Variants in ROBO2 observed in about 807,000 individuals in gnomAD.
ROBO2 encodes roundabout homolog 2.
A neutral mutation model predicts 160.8 loss-of-function variants in ROBO2; 53 were observed. That is an observed-to-expected ratio of 0.33 (90% CI 0.26 to 0.41). The LOEUF (loss-of-function observed/expected upper bound fraction) is 0.41, where lower values mean the gene tolerates loss of function less well. Among genes scored for constraint, ROBO2 ranks in the 10% least tolerant of loss-of-function variants. The pLI is 1.00. For missense variants in ROBO2, 1,577 were observed against 1,722.4 expected (o/e 0.92, Z 1.49); for synonymous variants, 664 against 611.7 (o/e 1.09, Z -1.26).
At chr3:76,031,650 T>C (rs759945597) in intron 2 of ROBO2, among the ~76,000 whole-genome samples, 4 of 152,176 alleles carry the variant, frequency 2.6e-5, no homozygotes, top group Admixed American at 2.0e-4. Context: ...GTTCTGTTTA[T>C]GTGATGGATT....
intron 2 of ROBO2, among the ~76,000 whole-genome samples, chr3:77,248,550 C>T (rs373122401): frequency 2.3e-4 from 35 of 152,254 alleles, no homozygotes; most frequent in East Asian, 2.0e-3. Context: ...GAGGCTGTCG[C>T]GGGGCCCACA....
At chr3:77,549,366 ACTCT>A (rs1398456080) in intron 7 of ROBO2, among the ~76,000 whole-genome samples, 3 of 151,530 alleles carry the variant, frequency 2.0e-5, no homozygotes, top group Admixed American at 2.0e-4. Flanking sequence ...CAAAATTTAG[ACTCT>A]CTCTTTTAGC....
intron 2 of ROBO2, among the ~76,000 whole-genome samples, chr3:77,138,911 GA>G (rs1009472765): frequency 1.1e-4 from 16 of 149,442 alleles, no homozygotes; most frequent in South Asian, 6.4e-4. Context: ...GTGAGAAAAG[GA>G]AAAAAAAAAT....
At chr3:76,122,845 T>A (rs1213365096) in intron 2 of ROBO2, among the ~76,000 whole-genome samples, 1 of 152,156 alleles carries the variant, frequency 6.6e-6, no homozygotes, top group Non-Finnish European at 1.5e-5. Flanking sequence ...TGTCTGATGT[T>A]TTGTGATCTA....
chr3:77,104,934 C>A, intron 2 of ROBO2, among the ~76,000 whole-genome samples: 1 of 152,108 alleles, frequency 6.6e-6, no homozygotes, highest in East Asian at 1.9e-4. Flanking sequence ...TCAGTTTGGT[C>A]CCAATTAAGT....
chr3:77,309,302 C>T (rs1325946645), intron 2 of ROBO2, among the ~76,000 whole-genome samples: 2 of 152,094 alleles, frequency 1.3e-5, no homozygotes, highest in Non-Finnish European at 2.9e-5. Flanking sequence ...GCTTAATTAT[C>T]CATCTCAAAA....
intron 2 of ROBO2, among the ~76,000 whole-genome samples, chr3:76,669,933 C>T (rs1344092892): frequency 6.6e-6 from 1 of 152,088 alleles, no homozygotes; most frequent in Non-Finnish European, 1.5e-5. Flanking sequence ...TCTTATACTA[C>T]CCAATATGTA....
At chr3:75,973,099 T>A (rs1302824368) in intron 2 of ROBO2, among the ~76,000 whole-genome samples, 1 of 151,686 alleles carries the variant, frequency 6.6e-6, no homozygotes, top group Admixed American at 6.6e-5. Context: ...GACCAGGCAA[T>A]CAATTACTAA....
At chr3:76,998,837 A>G (rs1193023526) in intron 2 of ROBO2, among the ~76,000 whole-genome samples, 2 of 152,176 alleles carry the variant, frequency 1.3e-5, no homozygotes, top group Non-Finnish European at 2.9e-5. Flanking sequence ...CTTGCCAAGT[A>G]TATTGAGGGT....
intron 2 of ROBO2, among the ~76,000 whole-genome samples, chr3:76,487,257 G>A (rs892738436): frequency 6.6e-6 from 1 of 151,804 alleles, no homozygotes; most frequent in Admixed American, 6.6e-5. Context: ...AGGGATTACA[G>A]GAGTGAGCCA....
intron 2 of ROBO2, among the ~76,000 whole-genome samples, chr3:76,397,244 A>G (rs186161185): frequency 3.9e-5 from 6 of 152,192 alleles, no homozygotes; most frequent in Non-Finnish European, 8.8e-5. Flanking sequence ...TATTTAATAA[A>G]TGGTGCTGGG....
chr3:77,607,391 T>C (rs2094545744), intron 20 of ROBO2, among the ~76,000 whole-genome samples: 1 of 152,228 alleles, frequency 6.6e-6, no homozygotes, highest in Admixed American at 6.5e-5. Flanking sequence ...AAGTTTAGCC[T>C]ATATCCTTAG....
intron 2 of ROBO2, among the ~76,000 whole-genome samples, chr3:76,070,196 C>T (rs2068399591): frequency 6.6e-6 from 1 of 152,204 alleles, no homozygotes; most frequent in Non-Finnish European, 1.5e-5. Context: ...ACTCTGACCG[C>T]TGGTGAGCCG....
chr3:77,285,754 C>T (rs1481821810), intron 2 of ROBO2, among the ~76,000 whole-genome samples: 1 of 151,922 alleles, frequency 6.6e-6, no homozygotes, highest in Non-Finnish European at 1.5e-5. Flanking sequence ...TATGCACATG[C>T]TCATGAAGAC....
chr3:76,350,330 C>T (rs955819261), intron 2 of ROBO2, among the ~76,000 whole-genome samples: 2 of 151,986 alleles, frequency 1.3e-5, no homozygotes, highest in African/African-American at 4.8e-5. Flanking sequence ...GATATGTCTC[C>T]ACTTGCTTTT....
At chr3:76,841,019 C>T (rs1174875155) in intron 2 of ROBO2, among the ~76,000 whole-genome samples, 1 of 152,086 alleles carries the variant, frequency 6.6e-6, no homozygotes, top group Non-Finnish European at 1.5e-5. Context: ...TGCTATTGTA[C>T]TACTGTAGAT....
chr3:76,635,944 T>G (rs1407934872), intron 2 of ROBO2, among the ~76,000 whole-genome samples: 1 of 152,226 alleles, frequency 6.6e-6, no homozygotes, highest in East Asian at 1.9e-4. Context: ...CAGCCCAGCC[T>G]GCTAGCCTGA....
chr3:76,064,841 T>G (rs939445926), intron 2 of ROBO2, among the ~76,000 whole-genome samples: 3 of 152,150 alleles, frequency 2.0e-5, no homozygotes, highest in Non-Finnish European at 4.4e-5. Context: ...TTAAAAGGTG[T>G]ATGGCCTAAT....
intron 2 of ROBO2, among the ~76,000 whole-genome samples, chr3:77,156,248 G>C (rs1172331176): frequency 6.6e-6 from 1 of 151,994 alleles, no homozygotes; most frequent in Non-Finnish European, 1.5e-5. Flanking sequence ...GTTGAGAAGG[G>C]TTGAGATTGG....
Sources: allele counts gnomAD v4.1 joint callset (sites outside exome capture counted in the v4.1 genomes callset), GRCh38; gene constraint gnomAD v4.1.1; transcripts MANE v1.5; gene names NCBI Gene and HGNC (gene_info 2026-07-23, HGNC 2026-07-21).